FSIP2: variants seen among roughly 807,000 people sequenced by gnomAD.
FSIP2 encodes fibrous sheath interacting protein 2.
In FSIP2, 367 loss-of-function variants were observed where a neutral mutation model predicts 510.5. The ratio of observed to expected loss-of-function variants is 0.72; its 90% CI spans 0.66 to 0.78. The LOEUF (loss-of-function observed/expected upper bound fraction) is 0.78, where lower values mean the gene tolerates loss of function less well. Among genes scored for constraint, FSIP2 ranks in the 30% least tolerant of loss-of-function variants. FSIP2 has a pLI of 0.00. For missense variants in FSIP2, 7,594 were observed against 7,901.7 expected (o/e 0.96, Z 1.48); for synonymous variants, 2,601 against 2,732.2 (o/e 0.95, Z 1.50).
Position 185,796,433 on chromosome 2 carries a change from C to T in FSIP2, c.9297C>T (p.Asn3099=), listed in dbSNP as rs1370502856. Residue 3099 remains asparagine (N), a synonymous_variant, in exon 16 of 23, where the codon AAC becomes AAT. Coordinates refer to ENST00000424728, the MANE Select transcript of FSIP2 (RefSeq NM_173651.4). ...CTGTAATTAAGAACAAGCTAGACAACGAAATAAGCCAAATGGAACCATCTT... is the reference window on the plus strand; with the variant it reads ...CTGTAATTAAGAACAAGCTAGACAATGAAATAAGCCAAATGGAACCATCTT... ...MLAVIKNKLD[N]EISQMEPSSI... is the part of the protein sequence containing the mutation. The T allele has an allele frequency of 1.0e-5, 16 of 1,534,380 alleles. No individual in the cohort carries two copies. The highest frequency in any genetic ancestry group is 4.1e-5 in the African/African-American group (3 of 72,950).
chr2:185,828,018 T>C, intron 20 of FSIP2, 138 bp from the exon 21 acceptor site: 1 of 567,054 alleles, frequency 1.8e-6, no homozygotes, highest in Non-Finnish European at 3.2e-6. Flanking sequence ...GCTTATACAT[T>C]TAAAATAACA....
At chr2:185,763,797 A>G (rs961316964) in intron 12 of FSIP2, among the ~76,000 whole-genome samples, 1 of 151,618 alleles carries the variant, frequency 6.6e-6, no homozygotes, top group Non-Finnish European at 1.5e-5. Flanking sequence ...TATTTCCAAA[A>G]GAATTCTTCA....
chr2:185,786,925 T>C (rs1307347691), intron 15 of FSIP2, among the ~76,000 whole-genome samples: 1 of 151,848 alleles, frequency 6.6e-6, no homozygotes, highest in Non-Finnish European at 1.5e-5. Flanking sequence ...CTTAATGTTG[T>C]AATAGAAAGC....
At chr2:185,765,783 A>G (rs1692461257) in intron 13 of FSIP2, 1 of 151,956 alleles carries the variant, frequency 6.6e-6, no homozygotes, top group Non-Finnish European at 1.5e-5. Context: ...TGAGCATGGA[A>G]TGTTCTTCTA....
In FSIP2 at chr2:185,796,241, A is replaced by G; in HGVS notation, c.9105A>G (p.Leu3035=). The G allele has an allele frequency of 6.5e-7, 1 of 1,531,010 alleles. No homozygotes were observed. Among genetic ancestry groups the G allele is most frequent in the Non-Finnish European group, 8.7e-7 (1 of 1,145,084 alleles). The allele number at this position is 1,531,010 out of a possible 1,614,324, so 94.8% of individuals were successfully genotyped here. A position where few individuals can be genotyped will look rare whatever the true frequency, so the allele number is the denominator to read the frequency against. Residue 3035 remains leucine, a synonymous_variant, in exon 16 of 23, where the codon TTA becomes TTG. Transcript: ENST00000424728. ...TTTCTTCTATCCAACAGAAACTGTT[A>G]AACAAAAAAATGTTGCCAAAATTAC... is the stretch of plus-strand genomic sequence containing the variant. ...ENLSSIQQKL[L]NKKMLPKLQP... is the part of the protein sequence containing the mutation.
intron 9 of FSIP2, among the ~76,000 whole-genome samples, chr2:185,757,406 G>A (rs919790647): frequency 1.3e-5 from 2 of 151,394 alleles, no homozygotes; most frequent in Non-Finnish European, 3.0e-5. Flanking sequence ...AAGATGAAAT[G>A]TAAAGTAATG....
chr2:185,792,010 A>G lies in FSIP2; in HGVS notation c.4874A>G (p.Asn1625Ser). 1 of 1,533,988 alleles carries G rather than the reference A, an allele frequency of 6.5e-7. No homozygotes were observed. Among genetic ancestry groups the G allele is most frequent in the Non-Finnish European group, 8.7e-7 (1 of 1,145,420 alleles). ...ATAGGCTGGGAATATGAAAGCACCA[A>G]TATTTCCAGAGACACACATGAAGCA... is the stretch of plus-strand genomic sequence containing the variant. ...NKIGWEYEST[N>S]ISRDTHEASF... Residue 1625 changes from asparagine to serine, a missense_variant, in exon 16 of 23, where the codon AAT becomes AGT. Asn to Ser is a conservative substitution (Grantham distance 46). Transcript: ENST00000424728.
chr2:185,739,052 C>G, intron 1 of FSIP2, 59 bp downstream of exon 1: 1 of 1,496,776 alleles, frequency 6.7e-7, no homozygotes, highest in East Asian at 2.5e-5. Context: ...TGCTGGGGAG[C>G]GGGGCAGGGA....
intron 17 of FSIP2, 42 bp downstream of exon 17, chr2:185,809,175 G>A (rs372128317): frequency 1.4e-4 from 208 of 1,504,032 alleles, no homozygotes; most frequent in Non-Finnish European, 1.8e-4. Flanking sequence ...TGAATAGTGA[G>A]ACATGGTTCT....
chr2:185,789,603 A>G lies in FSIP2; in HGVS notation c.2467A>G (p.Met823Val). 6.5e-7 allele frequency: 1 copy of G among 1,534,916 alleles called. No individual in the cohort carries two copies. Among genetic ancestry groups the G allele is most frequent in the South Asian group, 1.2e-5 (1 of 84,034 alleles). ...CCCAATGTGTGATATTGCAGAGGAC[A>G]TGGTGCATGCCATTTTAGAAAAGCT... ...LDPMCDIAED[M>V]VHAILEKLMT... Residue 823 changes from methionine to valine, a missense_variant, in exon 16 of 23, where the codon ATG (methionine) becomes GTG (valine). Coordinates refer to ENST00000424728, the MANE Select transcript of FSIP2 (RefSeq NM_173651.4).
rs1693288392 is a variant in FSIP2 at position 185,796,692 on chromosome 2, A to C, written c.9556A>C (p.Thr3186Pro). The C allele has an allele frequency of 2.6e-5, 40 of 1,535,104 alleles. No homozygotes were observed. The highest frequency in any genetic ancestry group is 3.5e-5 in the Non-Finnish European group (40 of 1,146,258). Reference sequence around the variant, plus strand: ...GATTAATCCTTCACAAGTGAGTAAAACTGGGTTTGTGTTTTGTTCAGATGA... The same window carrying C: ...GATTAATCCTTCACAAGTGAGTAAACCTGGGTTTGTGTTTTGTTCAGATGA... ...LGINPSQVSKTGFVFCSDEDM... is the reference protein window; with the variant it reads ...LGINPSQVSKPGFVFCSDEDM... Residue 3186 changes from threonine (T) to proline (P), a missense_variant, in exon 16 of 23, where the codon ACT (threonine) becomes CCT (proline). By Grantham distance (38) the Thr-to-Pro change is conservative. Coordinates refer to ENST00000424728, the MANE Select transcript of FSIP2 (RefSeq NM_173651.4).
At chr2:185,756,124 G>A (rs1339848449) in intron 8 of FSIP2, 68 bp from the exon 9 acceptor site, 3 of 570,124 alleles carry the variant, frequency 5.3e-6, no homozygotes, top group East Asian at 5.8e-5. Flanking sequence ...AAAAGGATAA[G>A]TAGTCTATCT....
In FSIP2 at chr2:185,745,419, T is replaced by C; in HGVS notation, c.478-10T>C. On this transcript the variant is annotated splice_polypyrimidine_tract_variant and intron_variant, in intron 4 of 22. Coordinates refer to ENST00000424728, the MANE Select transcript of FSIP2 (RefSeq NM_173651.4). ...ATTATATATATGTAATACACACATT[T>C]CTTAAATAGAGAATACTTGCAAAAC... 2 of 1,502,158 alleles carry C rather than the reference T, an allele frequency of 1.3e-6. No individual in the cohort carries two copies. The highest frequency in any genetic ancestry group is 1.8e-6 in the Non-Finnish European group (2 of 1,118,684). The allele number at this position is 1,502,158 out of a possible 1,614,324, so 93.1% of individuals were successfully genotyped here.
chr2:185,795,523 C>T lies in FSIP2; in HGVS notation c.8387C>T (p.Ser2796Phe), dbSNP rs200211105. The change falls in exon 16 of 23, where the codon TCC (serine) becomes TTC (phenylalanine). Residue 2796 changes from serine to phenylalanine, a missense_variant. By Grantham distance (155) the Ser-to-Phe change is radical. Coordinates refer to ENST00000424728, the MANE Select transcript of FSIP2 (RefSeq NM_173651.4). ...TGCAATTTGGCTTACCCGATGAAATCCTCACATCTCAGACTTTCACAGGGG... is the reference window on the plus strand; with the variant it reads ...TGCAATTTGGCTTACCCGATGAAATTCTCACATCTCAGACTTTCACAGGGG... ...NNCNLAYPMK[S>F]SHLRLSQGNI... 1.4e-4 allele frequency: 213 copies of T among 1,534,552 alleles called. No individual in the cohort carries two copies. Among genetic ancestry groups the T allele is most frequent in the Admixed American group, 2.9e-4 (15 of 50,848 alleles).
Position 185,796,047 on chromosome 2 carries a change from A to G in FSIP2, c.8911A>G (p.Ile2971Val). 6.5e-7 allele frequency: 1 copy of G among 1,532,592 alleles called. No individual in the cohort carries two copies. Among genetic ancestry groups the G allele is most frequent in the Non-Finnish European group, 8.7e-7 (1 of 1,145,458 alleles). 94.9% of individuals were successfully genotyped at this position (1,532,592 alleles called of 1,614,324 possible). ...CAAGCATAGCCTCAGCAGTTTACCA[A>G]TCTATAACACAAAGACAAAAGACCA... The part of the protein sequence containing the change: ...PNKHSLSSLP[I>V]YNTKTKDQIS... The change falls in exon 16 of 23, where the codon ATC (isoleucine) becomes GTC (valine). Residue 2971 changes from isoleucine to valine, a missense_variant. Transcript: ENST00000424728.
chr2:185,738,184 A>G (rs559087964), upstream of FSIP2: 5 of 180,074 alleles, frequency 2.8e-5, no homozygotes, highest in African/African-American at 1.2e-4. Context: ...TATTTTACTC[A>G]CGGCTGTGTC....
intron 16 of FSIP2, 34 bp downstream of exon 16, chr2:185,797,560 T>C (rs1693322108): frequency 4.8e-6 from 7 of 1,468,044 alleles, no homozygotes; most frequent in Non-Finnish European, 6.2e-6. Flanking sequence ...AAAATTTGCA[T>C]GATTTAGGAA....
intron 14 of FSIP2, chr2:185,783,626 G>C (rs1692902604): frequency 6.6e-6 from 1 of 152,080 alleles, no homozygotes; most frequent in African/African-American, 2.4e-5. Context: ...ACATAACACT[G>C]TAAAAGATGC....
intron 13 of FSIP2, among the ~76,000 whole-genome samples, chr2:185,776,064 GT>G (rs758231688): frequency 1.2e-4 from 19 of 152,160 alleles, no homozygotes; most frequent in Non-Finnish European, 1.9e-4. Context: ...GAGCTCAGCA[GT>G]TTGAAACCAG....
Sources: gnomAD v4.1 joint callset for allele counts (sites outside exome capture counted in the v4.1 genomes callset) on GRCh38, gnomAD v4.1.1 for gene constraint, MANE v1.5 for transcripts, NCBI Gene and HGNC (gene_info 2026-07-23, HGNC 2026-07-21) for gene names.